The following DLEU7 variants were observed in gnomAD, a reference collection of about 807,000 sequenced individuals.
DLEU7 encodes deleted in lymphocytic leukemia 7.
Under a neutral mutation model 16.0 loss-of-function variants are expected in DLEU7, and 17 were observed. The ratio of observed to expected loss-of-function variants is 1.06; its 90% CI spans 0.73 to 1.59. The LOEUF (loss-of-function observed/expected upper bound fraction) is 1.59. Among genes scored for constraint, DLEU7 ranks in the 40% most tolerant of loss-of-function variants. The pLI, the probability that DLEU7 is intolerant of heterozygous loss-of-function variation, is 0.00. For missense variants in DLEU7, 308 were observed against 314.9 expected, an observed-to-expected ratio of 0.98 and a Z score of 0.17; for synonymous variants, 113 against 139.8, an observed-to-expected ratio of 0.81 and a Z score of 1.35.
At chr13:50,745,424 T>G (rs1477127412) in intron 1 of DLEU7, among the ~76,000 whole-genome samples, 2 of 151,812 alleles carry the variant, frequency 1.3e-5, no homozygotes, top group Non-Finnish European at 2.9e-5. Flanking sequence ...AAATGGGGAG[T>G]TAGTGTTTAA....
At chr13:50,734,472 C>CCAT (rs1430218691) in intron 1 of DLEU7, among the ~76,000 whole-genome samples, 2 of 151,960 alleles carry the variant, frequency 1.3e-5, no homozygotes, top group African/African-American at 4.8e-5. Context: ...GTAGCTAATC[C>CCAT]CATCTCCAAC....
chr13:50,777,291 G>T (rs2137762373), intron 1 of DLEU7, among the ~76,000 whole-genome samples: 1 of 152,308 alleles, frequency 6.6e-6, no homozygotes. Context: ...ATTTGAGTCA[G>T]TGGGCTGGGA....
chr13:50,781,137 G>A (rs1301192327), intron 1 of DLEU7, among the ~76,000 whole-genome samples: 1 of 152,182 alleles, frequency 6.6e-6, no homozygotes, highest in East Asian at 1.9e-4. Context: ...CTATAAAGCA[G>A]TGGTTCTCAG....
intron 1 of DLEU7, among the ~76,000 whole-genome samples, chr13:50,721,898 T>C (rs1409290308): frequency 6.6e-6 from 1 of 152,176 alleles, no homozygotes; most frequent in Non-Finnish European, 1.5e-5. Flanking sequence ...GAGATTTATA[T>C]CAGGCTGCAA....
intron 1 of DLEU7, among the ~76,000 whole-genome samples, chr13:50,840,788 T>TGG (rs145913521): frequency 2.0e-5 from 3 of 151,374 alleles, no homozygotes; most frequent in African/African-American, 7.3e-5. Flanking sequence ...TACATGGGGA[T>TGG]GGGGGGGCAG....
intron 1 of DLEU7, among the ~76,000 whole-genome samples, chr13:50,765,436 G>A (rs1875074295): frequency 6.6e-6 from 1 of 151,992 alleles, no homozygotes; most frequent in Non-Finnish European, 1.5e-5. Flanking sequence ...GGAGGAAGGA[G>A]AAAGAAGAGG....
chr13:50,727,792 C>T (rs1873806618), intron 1 of DLEU7, among the ~76,000 whole-genome samples: 1 of 152,216 alleles, frequency 6.6e-6, no homozygotes, highest in African/African-American at 2.4e-5. Flanking sequence ...ATGTGCAGAG[C>T]TGCACACTGC....
At chr13:50,775,165 T>G (rs2137760471) in intron 1 of DLEU7, among the ~76,000 whole-genome samples, 1 of 152,022 alleles carries the variant, frequency 6.6e-6, no homozygotes, top group East Asian at 1.9e-4. Context: ...TCTAATAAAT[T>G]TTAATTTCAT....
intron 1 of DLEU7, among the ~76,000 whole-genome samples, chr13:50,722,436 T>A (rs764044963): frequency 1.3e-5 from 2 of 152,238 alleles, no homozygotes; most frequent in Admixed American, 6.5e-5. Flanking sequence ...TAAATATTCT[T>A]CCATAATATA....
chr13:50,712,046 A>G (rs1215167555), exon 2 of DLEU7: 1 of 152,210 alleles, frequency 6.6e-6, no homozygotes, highest in Admixed American at 6.5e-5. Flanking sequence ...GGGAGACCTG[A>G]GTACAAACAT....
At chr13:50,758,967 G>A (rs993392681) in intron 1 of DLEU7, among the ~76,000 whole-genome samples, 8 of 152,174 alleles carry the variant, frequency 5.3e-5, no homozygotes, top group African/African-American at 1.9e-4. Context: ...GCTTACCACA[G>A]CCCCCATTTC....
At chr13:50,798,198 A>G (rs1876153033) in intron 1 of DLEU7, among the ~76,000 whole-genome samples, 1 of 152,146 alleles carries the variant, frequency 6.6e-6, no homozygotes, top group Non-Finnish European at 1.5e-5. Context: ...TATGATAACT[A>G]AGGAAGTCAT....
chr13:50,843,156 A>C lies in DLEU7; in HGVS notation c.459+32T>G. 4 of 1,567,692 alleles carry C rather than the reference A, an allele frequency of 2.6e-6. No homozygotes were observed. Among genetic ancestry groups the C allele is most frequent in the Non-Finnish European group, 3.5e-6 (4 of 1,159,006 alleles). Reference sequence around the variant, plus strand: ...CTTGGAGGATGGGAGGTTACCCTGCACGCCAGAGGGGATGGCGGGGGCCAG... The same window carrying C: ...CTTGGAGGATGGGAGGTTACCCTGCCCGCCAGAGGGGATGGCGGGGGCCAG... On this transcript the variant is annotated intron_variant, in intron 1 of 1. Coordinates refer to ENST00000504404, the MANE Select transcript of DLEU7 (RefSeq NM_001306135.2). The surrounding 1 kb of genome is among the most constrained non-coding windows in gnomAD (Gnocchi z 5.7).
At chr13:50,837,055 A>G (rs182652099) in intron 1 of DLEU7, among the ~76,000 whole-genome samples, 1 of 152,358 alleles carries the variant, frequency 6.6e-6, no homozygotes, top group East Asian at 1.9e-4. Flanking sequence ...TAGATGTGTA[A>G]CTGTGTATTA....
chr13:50,736,925 A>C (rs1874086836), intron 1 of DLEU7, among the ~76,000 whole-genome samples: 1 of 152,164 alleles, frequency 6.6e-6, no homozygotes, highest in Non-Finnish European at 1.5e-5. Flanking sequence ...ATTCCTTGAA[A>C]AATACAACTT....
chr13:50,843,641 G>A lies in DLEU7; in HGVS notation c.6C>T (p.Ala2=), dbSNP rs1258257616. 1.3e-6 allele frequency: 2 copies of A among 1,508,334 alleles called. No homozygotes were observed. Among genetic ancestry groups the A allele is most frequent in the South Asian group, 1.2e-5 (1 of 81,922 alleles). 93.4% of individuals were successfully genotyped at this position (1,508,334 alleles called of 1,614,324 possible). Residue 2 remains alanine, a synonymous_variant, in exon 1 of 2, where the codon GCC becomes GCT. Transcript: ENST00000504404. The surrounding 1 kb of genome is among the most constrained non-coding windows in gnomAD (Gnocchi z 5.7). ...TGGAGGCCACTAAGGGCGCAGGGCT[G>A]GCCATCGCCTCCGCTGGCGGCCCGG... The part of the protein sequence containing the change: M[A]SPAPLVASIS...
chr13:50,824,495 TAAGAG>T (rs1245673412), intron 1 of DLEU7, among the ~76,000 whole-genome samples: 1 of 152,132 alleles, frequency 6.6e-6, no homozygotes, highest in African/African-American at 2.4e-5. Context: ...TGCAAGAAAA[TAAGAG>T]AAATCTCTCA....
At chr13:50,838,151 A>G (rs1877532838) in intron 1 of DLEU7, among the ~76,000 whole-genome samples, 1 of 152,208 alleles carries the variant, frequency 6.6e-6, no homozygotes, top group Non-Finnish European at 1.5e-5. Context: ...GTTTGCAATG[A>G]CTGCGAAGCC....
At chr13:50,729,895 A>G (rs1462975937) in intron 1 of DLEU7, among the ~76,000 whole-genome samples, 1 of 151,954 alleles carries the variant, frequency 6.6e-6, no homozygotes, top group Non-Finnish European at 1.5e-5. Context: ...TGTGTGTTCT[A>G]TAACTTTGGA....
Sources: allele counts gnomAD v4.1 joint callset (sites outside exome capture counted in the v4.1 genomes callset), GRCh38; gene constraint gnomAD v4.1.1; non-coding constraint Gnocchi (gnomAD v3.1); transcripts MANE v1.5; gene names NCBI Gene and HGNC (gene_info 2026-07-23, HGNC 2026-07-21).